Variants in GAB4 observed in about 807,000 individuals in gnomAD.
GAB4 encodes the protein GRB2-associated-binding protein 4.
A neutral mutation model predicts 51.3 loss-of-function variants in GAB4; 26 were observed. The observed-to-expected ratio is 0.51, with a 90% CI of 0.37 to 0.70. GAB4 has a LOEUF of 0.70. Ranked by LOEUF, GAB4 falls within the 30% of genes least tolerant of loss-of-function variation. The pLI is 0.00. For missense variants in GAB4, 759 were observed against 734.6 expected, an observed-to-expected ratio of 1.03 and a Z score of -0.38; for synonymous variants, 329 against 291.2, an observed-to-expected ratio of 1.13 and a Z score of -1.32.
At chr22:16,984,438 T>G (rs2060851550) in intron 3 of GAB4, among the ~76,000 whole-genome samples, 1 of 152,208 alleles carries the variant, frequency 6.6e-6, no homozygotes, top group Non-Finnish European at 1.5e-5. Flanking sequence ...TCCAGCAATC[T>G]CACTGCTGGG....
intron 5 of GAB4, chr22:16,967,540 C>T (rs1431194258): frequency 6.6e-6 from 1 of 152,354 alleles, no homozygotes; most frequent in Non-Finnish European, 1.5e-5. Context: ...TCCTCTCCCC[C>T]AATGGCTGTG....
chr22:16,974,203 C>A (rs1423825979), intron 3 of GAB4, among the ~76,000 whole-genome samples: 1 of 152,198 alleles, frequency 6.6e-6, no homozygotes, highest in Admixed American at 6.5e-5. Flanking sequence ...TCCTGCATTG[C>A]TTTTGTTGGA....
intron 1 of GAB4, among the ~76,000 whole-genome samples, chr22:16,997,160 G>A (rs541511410): frequency 6.6e-6 from 1 of 152,310 alleles, no homozygotes; most frequent in African/African-American, 2.4e-5. Flanking sequence ...TATATACCCA[G>A]TAATGGGATT....
chr22:16,963,759 A>T lies in GAB4; in HGVS notation c.1547T>A (p.Ile516Asn). ...SSAPPRSTGN[I>N]HYAALDFQPS... ...CTGGAAGTCCAGGGCCGCGTAGTGG[A>T]TGTTACCAGTGCTCCTCGGCGGGGC... The change falls in exon 9 of 10, where the codon ATC (isoleucine) becomes AAC (asparagine). Residue 516 changes from isoleucine to asparagine, a missense_variant. This residue lies in a region of GAB4 where 588 missense variants were observed against 510.2 expected (regional missense o/e 1.15). Coordinates refer to ENST00000400588, the MANE Select transcript of GAB4 (RefSeq NM_001037814.1). 6.2e-7 allele frequency: 1 copy of T among 1,613,818 alleles called. No homozygotes were observed. Among genetic ancestry groups the T allele is most frequent in the Non-Finnish European group, 8.5e-7 (1 of 1,179,950 alleles).
At chr22:16,964,886 GT>G (rs755892682) in intron 7 of GAB4, 24 bp from the exon 8 acceptor site, 1 of 1,584,126 alleles carries the variant, frequency 6.3e-7, no homozygotes, top group Non-Finnish European at 8.7e-7. Context: ...AAGGCAAGGA[GT>G]ACATCCTGGG....
At chr22:16,991,109 C>G (rs1412847420) in intron 2 of GAB4, among the ~76,000 whole-genome samples, 1 of 152,128 alleles carries the variant, frequency 6.6e-6, no homozygotes, top group Non-Finnish European at 1.5e-5. Context: ...TGAAGCTTTA[C>G]TTTTTCAATT....
chr22:17,003,576 G>A (rs1305371550), intron 1 of GAB4, among the ~76,000 whole-genome samples: 7 of 152,174 alleles, frequency 4.6e-5, no homozygotes, highest in Non-Finnish European at 1.0e-4. Flanking sequence ...GCTCCTGAAT[G>A]ATTACTGGGT....
chr22:16,972,027 T>C (rs2060736210), intron 3 of GAB4, among the ~76,000 whole-genome samples: 1 of 152,230 alleles, frequency 6.6e-6, no homozygotes, highest in Non-Finnish European at 1.5e-5. Flanking sequence ...TGCAGGATCC[T>C]CGTGTTTGTA....
chr22:17,005,709 T>C (rs1231719174), intron 1 of GAB4, among the ~76,000 whole-genome samples: 1 of 152,156 alleles, frequency 6.6e-6, no homozygotes, highest in Admixed American at 6.5e-5. Flanking sequence ...TCTACAACCA[T>C]CTGATCTTTG....
chr22:16,981,959 C>A (rs1256957010), intron 3 of GAB4, among the ~76,000 whole-genome samples: 1 of 152,054 alleles, frequency 6.6e-6, no homozygotes, highest in African/African-American at 2.4e-5. Flanking sequence ...AAAACAAAAA[C>A]CATATGATCA....
intron 1 of GAB4, among the ~76,000 whole-genome samples, chr22:16,999,634 A>G (rs973787550): frequency 1.3e-5 from 2 of 152,094 alleles, no homozygotes; most frequent in Non-Finnish European, 2.9e-5. Context: ...TGGTGTCTCT[A>G]TCTCCTTCAG....
intron 1 of GAB4, among the ~76,000 whole-genome samples, chr22:17,001,888 G>A (rs1334128058): frequency 2.6e-5 from 4 of 152,180 alleles, no homozygotes; most frequent in South Asian, 4.1e-4. Context: ...CAGCCTGGCT[G>A]CAGCCTCGCA....
At chr22:16,963,903 G>T in intron 8 of GAB4, 74 bp from the exon 9 acceptor site, 1 of 1,190,640 alleles carries the variant, frequency 8.4e-7, no homozygotes, top group Non-Finnish European at 1.2e-6. Context: ...ACACACCTGT[G>T]GGCGTAGCTA....
intron 1 of GAB4, among the ~76,000 whole-genome samples, chr22:16,999,576 C>G (rs2060978587): frequency 6.6e-6 from 1 of 151,896 alleles, no homozygotes; most frequent in Non-Finnish European, 1.5e-5. Context: ...TTCTGTTGAT[C>G]TTTTCAAAAA....
intron 1 of GAB4, among the ~76,000 whole-genome samples, chr22:17,005,759 T>C (rs188432868): frequency 7.7e-4 from 117 of 152,358 alleles, no homozygotes; most frequent in African/African-American, 2.5e-3. Context: ...AAGGATTCCC[T>C]ATTTAATAAA....
chr22:16,968,152 C>T (rs1274850840), intron 5 of GAB4, 146 bp downstream of exon 5: 9 of 632,984 alleles, frequency 1.4e-5, no homozygotes, highest in Admixed American at 5.4e-5. Flanking sequence ...AAAACTGAAC[C>T]TATGGTTCTG....
chr22:16,968,962 AAAC>A (rs2060706299), intron 4 of GAB4, among the ~76,000 whole-genome samples: 2 of 152,236 alleles, frequency 1.3e-5, no homozygotes. Flanking sequence ...AAAATGGAGA[AAAC>A]AAGGCTTTGC....
rs1263242495 is a variant in GAB4, at chr22:16,965,210, C to T, written c.1347G>A (p.Lys449=). The T allele has an allele frequency of 6.2e-7, 1 of 1,614,060 alleles. No individual in the cohort carries two copies. Among genetic ancestry groups the T allele is most frequent in the Non-Finnish European group, 8.5e-7 (1 of 1,179,960 alleles). ...NNRVINELSF[K]PPVTEPWSGT... is the part of the protein sequence containing the mutation. ...CAGACCAGGGCTCTGTGACAGGTGG[C>T]TTGAAGGAGAGCTCATTGATGACCC... The change falls in exon 7 of 10, where the codon AAG becomes AAA. Residue 449 remains lysine, a synonymous_variant. Coordinates refer to ENST00000400588, the MANE Select transcript of GAB4 (RefSeq NM_001037814.1).
Position 16,996,533 on chromosome 22 carries a change from G to C in GAB4, c.175-4357C>G, listed in dbSNP as rs554454453. Among the ~76,000 whole-genome samples, 11 of 152,122 alleles carry C rather than the reference G, an allele frequency of 7.2e-5. No individual in the cohort carries two copies. The East Asian group carries it at 2.1e-3, about 29-fold the overall frequency. ...AGATTGACAAAGGTTGAAATGAAGG[G>C]AAAAAATGGTAAGGGCAGCCAGAGA... On this transcript the variant is annotated intron_variant, in intron 1 of 9. Coordinates refer to ENST00000400588, the MANE Select transcript of GAB4 (RefSeq NM_001037814.1).
Sources: allele counts gnomAD v4.1 joint callset (sites outside exome capture counted in the v4.1 genomes callset), GRCh38; gene constraint gnomAD v4.1.1; regional missense constraint gnomAD v4.1.1; transcripts MANE v1.5; gene names NCBI Gene and HGNC (gene_info 2026-07-23, HGNC 2026-07-21).